Variants in TUBA1C observed in about 807,000 individuals in gnomAD.
TUBA1C encodes the protein tubulin alpha 1c.
A neutral mutation model predicts 34.9 loss-of-function variants in TUBA1C; 16 were observed. The ratio of observed to expected loss-of-function variants is 0.46; its 90% CI spans 0.31 to 0.70. The LOEUF is 0.70. Among genes scored for constraint, TUBA1C ranks in the 30% least tolerant of loss-of-function variants. The pLI is 0.05. For synonymous variants in TUBA1C, 177 were observed against 215.9 expected (o/e 0.82, Z 1.58); for missense variants, 329 against 587.3 (o/e 0.56, Z 4.55).
At chr12:49,269,259 T>TG (rs1942956261) in intron 1 of TUBA1C, among the ~76,000 whole-genome samples, 1 of 152,006 alleles carries the variant, frequency 6.6e-6, no homozygotes, top group Non-Finnish European at 1.5e-5. Flanking sequence ...GATGCAGTTT[T>TG]GCCATGTTGG....
upstream of TUBA1C, chr12:49,265,043 A>AC: frequency 8.3e-7 from 1 of 1,197,958 alleles, no homozygotes; most frequent in Non-Finnish European, 1.1e-6. Flanking sequence ...GTGGCCGGGG[A>AC]CCGGGTATAT....
exon 1 of TUBA1C, chr12:49,228,138 G>A: frequency 1.3e-6 from 2 of 1,535,722 alleles, no homozygotes; most frequent in African/African-American, 1.4e-5. Context: ...TCCAGCAAAA[G>A]CAGAGGAGAA....
intron 1 of TUBA1C, among the ~76,000 whole-genome samples, chr12:49,243,175 G>A (rs1366286816): frequency 1.3e-5 from 2 of 152,178 alleles, no homozygotes; most frequent in South Asian, 4.1e-4. Context: ...GCTGGTTGCG[G>A]TGGCTCATGC....
In TUBA1C at chr12:49,273,291, CTA is replaced by C. The variant is rs764076745; in HGVS notation, c.*66_*67del. 2 of 1,612,938 alleles carry C rather than the reference CTA, an allele frequency of 1.2e-6. No individual in the cohort carries two copies. The highest frequency in any genetic ancestry group is 1.7e-6 in the Non-Finnish European group (2 of 1,179,160). Reference sequence around the variant, plus strand: ...TGTCTTATTTTTGTTCTGTAAATGTCTATTGCCGTAAATTGTTAATAAAATTG... The same window carrying C: ...TGTCTTATTTTTGTTCTGTAAATGTCTTGCCGTAAATTGTTAATAAAATTG... On this transcript the variant is annotated 3_prime_UTR_variant, in exon 4 of 4. Transcript: ENST00000301072.
upstream of TUBA1C, among the ~76,000 whole-genome samples, chr12:49,260,124 C>CA (rs1239396558): frequency 6.6e-6 from 1 of 152,040 alleles, no homozygotes; most frequent in Non-Finnish European, 1.5e-5. Context: ...ATACTGTAGA[C>CA]AATTGAAGAA....
intron 1 of TUBA1C, among the ~76,000 whole-genome samples, chr12:49,242,491 G>A (rs1942627648): frequency 6.6e-6 from 1 of 151,900 alleles, no homozygotes. Context: ...GTGTTGAGAT[G>A]GGGTCTTGCT....
chr12:49,229,182 T>C (rs1294631787), intron 1 of TUBA1C, among the ~76,000 whole-genome samples: 1 of 152,196 alleles, frequency 6.6e-6, no homozygotes, highest in African/African-American at 2.4e-5. Context: ...TTTATCTTTT[T>C]TGCGTGCGTG....
chr12:49,264,090 C>G (rs980124135), upstream of TUBA1C, among the ~76,000 whole-genome samples: 45 of 152,010 alleles, frequency 3.0e-4, no homozygotes, highest in African/African-American at 1.1e-3. Flanking sequence ...TGTGGTGGCA[C>G]GCGCCTGTAG....
chr12:49,246,495 C>G (rs1001475259), intron 1 of TUBA1C, among the ~76,000 whole-genome samples: 1 of 151,022 alleles, frequency 6.6e-6, no homozygotes, highest in Non-Finnish European at 1.5e-5. Context: ...CTGGCTAACA[C>G]GGTGAAACCC....
intron 1 of TUBA1C, among the ~76,000 whole-genome samples, chr12:49,255,161 C>T (rs2137006011): frequency 6.6e-6 from 1 of 152,060 alleles, no homozygotes; most frequent in East Asian, 1.9e-4. Flanking sequence ...AACTACGGAC[C>T]TTGCCAAGGT....
Position 49,272,974 on chromosome 12 carries a change from G to A in TUBA1C, c.1097G>A (p.Gly366Glu). 6.2e-7 allele frequency: 1 copy of A among 1,614,246 alleles called. No homozygotes were observed. Among genetic ancestry groups the A allele is most frequent in the Non-Finnish European group, 8.5e-7 (1 of 1,180,052 alleles). The stretch of plus-strand genomic sequence containing the variant: ...CAGCCTCCCACTGTGGTGCCTGGCG[G>A]AGACCTGGCCAAGGTACAGAGAGCT... ...NYQPPTVVPGGDLAKVQRAVC... is the reference protein window; with the variant it reads ...NYQPPTVVPGEDLAKVQRAVC... Residue 366 changes from glycine to glutamate, a missense_variant, in exon 4 of 4, where the codon GGA (glycine) becomes GAA (glutamate). Around this residue, in one of 4 missense-constraint regions of TUBA1C, gnomAD observed 140 missense variants for 289.8 expected, o/e 0.48. Transcript: ENST00000301072.
intron 1 of TUBA1C, among the ~76,000 whole-genome samples, chr12:49,238,737 C>T (rs189772340): frequency 6.6e-6 from 1 of 152,222 alleles, no homozygotes; most frequent in Admixed American, 6.5e-5. Context: ...ATTTTGAACT[C>T]CTGGGCTCAA....
intron 1 of TUBA1C, among the ~76,000 whole-genome samples, chr12:49,237,570 CCT>C (rs1942569421): frequency 6.7e-6 from 1 of 149,830 alleles, no homozygotes; most frequent in African/African-American, 2.5e-5. Context: ...CAGTGAGACC[CCT>C]GTCTCTATTA....
exon 1 of TUBA1C, chr12:49,227,967 T>C: frequency 1.3e-6 from 2 of 1,535,684 alleles, no homozygotes; most frequent in South Asian, 1.2e-5. Context: ...ACAGCCTGGT[T>C]CAATGGGGTG....
At chr12:49,248,743 C>T (rs1201429658) in intron 1 of TUBA1C, among the ~76,000 whole-genome samples, 1 of 151,456 alleles carries the variant, frequency 6.6e-6, no homozygotes, top group Non-Finnish European at 1.5e-5. Flanking sequence ...TGGCAGGCGC[C>T]TGTAGTCCCA....
chr12:49,246,719 A>G (rs949345760), intron 1 of TUBA1C, among the ~76,000 whole-genome samples: 1 of 152,196 alleles, frequency 6.6e-6, no homozygotes, highest in African/African-American at 2.4e-5. Flanking sequence ...TTCCTAAAAC[A>G]TGCAGAAATG....
upstream of TUBA1C, among the ~76,000 whole-genome samples, chr12:49,262,482 TTAA>T (rs1942851324): frequency 6.8e-6 from 1 of 146,826 alleles, no homozygotes; most frequent in African/African-American, 2.5e-5. Context: ...TGTCACCCTA[TTAA>T]TAATTTAGCA....
chr12:49,242,520 T>G (rs1298608626), intron 1 of TUBA1C, among the ~76,000 whole-genome samples: 2 of 152,186 alleles, frequency 1.3e-5, no homozygotes, highest in African/African-American at 4.8e-5. Flanking sequence ...CAGGCTGGAG[T>G]GCAGTGGCAC....
intron 1 of TUBA1C, among the ~76,000 whole-genome samples, chr12:49,242,326 G>A (rs1942625779): frequency 6.6e-6 from 1 of 151,956 alleles, no homozygotes; most frequent in African/African-American, 2.4e-5. Context: ...GGTGGCATGA[G>A]GAAAAAAATG....
Sources: allele counts gnomAD v4.1 joint callset (sites outside exome capture counted in the v4.1 genomes callset), GRCh38; gene constraint gnomAD v4.1.1; regional missense constraint gnomAD v4.1.1; transcripts MANE v1.5; gene names NCBI Gene and HGNC (gene_info 2026-07-23, HGNC 2026-07-21).